Variants in RAB43 observed in about 807,000 individuals in gnomAD.
RAB43 encodes the protein RAB43, member RAS oncogene family.
A neutral mutation model predicts 18.8 loss-of-function variants in RAB43; 6 were observed. That is an observed-to-expected ratio of 0.32 (90% CI 0.17 to 0.63). The LOEUF (loss-of-function observed/expected upper bound fraction) is 0.63. Among genes scored for constraint, RAB43 ranks in the 30% least tolerant of loss-of-function variants. The pLI, the probability that RAB43 is intolerant of heterozygous loss-of-function variation, is 0.79. For missense variants in RAB43, 195 were observed against 289.1 expected, an observed-to-expected ratio of 0.67 and a Z score of 2.36; for synonymous variants, 103 against 124.1, an observed-to-expected ratio of 0.83 and a Z score of 1.13.
intron 1 of RAB43, among the ~76,000 whole-genome samples, chr3:129,100,886 A>C (rs1168330026): frequency 6.6e-6 from 1 of 152,060 alleles, no homozygotes; most frequent in Admixed American, 6.6e-5. Flanking sequence ...TGCTCACCGC[A>C]ACCTCTGTCT....
At chr3:129,109,941 T>G (rs1360688612) in intron 1 of RAB43, among the ~76,000 whole-genome samples, 1 of 151,882 alleles carries the variant, frequency 6.6e-6, no homozygotes, top group East Asian at 2.0e-4. Context: ...CCTGGCTCAC[T>G]GCAGCCTCGA....
In RAB43 at chr3:129,094,967, C is replaced by T. The variant is rs372339744; in HGVS notation, c.388+19G>A. ...GGCAGAGTGATGGGATTTGTGGTCC[C>T]GAGGAATCCCCAACTCACCGATCAG... is the stretch of plus-strand genomic sequence containing the variant. On this transcript the variant is annotated intron_variant, in intron 2 of 2. Transcript: ENST00000315150. 2.9e-5 allele frequency: 47 copies of T among 1,604,212 alleles called. No homozygotes were observed. Among genetic ancestry groups the T allele is most frequent in the Non-Finnish European group, 3.9e-5 (46 of 1,174,290 alleles).
At chr3:129,093,104 C>T (rs1353489404) in intron 2 of RAB43, among the ~76,000 whole-genome samples, 4 of 151,952 alleles carry the variant, frequency 2.6e-5, no homozygotes, top group Non-Finnish European at 5.9e-5. Context: ...GATTCTCCTA[C>T]CTTGGCCTCC....
chr3:129,100,010 A>G (rs1934320236), intron 1 of RAB43, among the ~76,000 whole-genome samples: 1 of 152,182 alleles, frequency 6.6e-6, no homozygotes, highest in Admixed American at 6.6e-5. Context: ...TACCTGGCTT[A>G]AAGATCCAAG....
intron 1 of RAB43, among the ~76,000 whole-genome samples, chr3:129,109,037 T>G: frequency 1.4e-5 from 2 of 146,436 alleles, no homozygotes; most frequent in South Asian, 2.2e-4. Flanking sequence ...AAGGAAACCA[T>G]GAGAAAAAAC....
At chr3:129,106,394 T>A (rs901727043) in intron 1 of RAB43, among the ~76,000 whole-genome samples, 1 of 152,054 alleles carries the variant, frequency 6.6e-6, no homozygotes, top group Non-Finnish European at 1.5e-5. Flanking sequence ...AACCAGGAGG[T>A]GGAGTTTGTG....
chr3:129,109,699 A>C (rs1323211537), intron 1 of RAB43, among the ~76,000 whole-genome samples: 3 of 150,270 alleles, frequency 2.0e-5, no homozygotes, highest in Non-Finnish European at 4.4e-5. Context: ...CCGAGATCGC[A>C]CCACTGCACT....
chr3:129,091,315 C>G lies in RAB43; in HGVS notation c.420G>C (p.Glu140Asp), dbSNP rs1933633853. ...GNKSDLSELREVSLAEAQSLA... is the reference protein window; with the variant it reads ...GNKSDLSELRDVSLAEAQSLA... ...GGCTCTGTGCCTCAGCCAAGGAGACCTCCCGAAGCTCGCTGAGGTCTGACT... is the reference window on the plus strand; with the variant it reads ...GGCTCTGTGCCTCAGCCAAGGAGACGTCCCGAAGCTCGCTGAGGTCTGACT... The change falls in exon 3 of 3, where the codon GAG (glutamate) becomes GAC (aspartate). Residue 140 changes from glutamate to aspartate, a missense_variant. Glu to Asp is a conservative substitution (Grantham distance 45). Transcript: ENST00000315150. The G allele has an allele frequency of 1.2e-6, 2 of 1,601,518 alleles. No homozygotes were observed. Among genetic ancestry groups the G allele is most frequent in the East Asian group, 4.5e-5 (2 of 44,362 alleles).
chr3:129,098,346 C>T (rs1274079706), intron 1 of RAB43, among the ~76,000 whole-genome samples: 4 of 152,152 alleles, frequency 2.6e-5, no homozygotes, highest in African/African-American at 9.7e-5. Context: ...CACATATCCA[C>T]CCTAACAAAA....
intron 2 of RAB43, among the ~76,000 whole-genome samples, chr3:129,094,576 G>A (rs1347278887): frequency 4.5e-5 from 6 of 132,236 alleles, no homozygotes; most frequent in African/African-American, 1.1e-4. Context: ...GTGCAGTGGC[G>A]TGATCTCAGC....
chr3:129,114,430 C>A (rs1210518252), intron 1 of RAB43, among the ~76,000 whole-genome samples: 1 of 152,142 alleles, frequency 6.6e-6, no homozygotes, highest in Non-Finnish European at 1.5e-5. Context: ...CACAAATGGG[C>A]CTTCATTTCC....
rs533029028 is a variant in RAB43, at chr3:129,109,177, A to G, written c.204+12109T>C. On this transcript the variant is annotated intron_variant, in intron 1 of 2. Coordinates refer to ENST00000315150, the MANE Select transcript of RAB43 (RefSeq NM_198490.3). The stretch of plus-strand genomic sequence containing the variant: ...TGTAATCCCAACACTTTGGGAGGCC[A>G]AGGCGGGCGGATCACGAGGTCAGGA... Among the ~76,000 whole-genome samples, 79 of 151,768 alleles carry G rather than the reference A, an allele frequency of 5.2e-4. 1 individual carries two copies. The South Asian group carries it at 0.015, about 29-fold the overall frequency.
Position 129,107,717 on chromosome 3 carries a change from T to C in RAB43, c.205-12548A>G, listed in dbSNP as rs1215559929. On this transcript the variant is annotated intron_variant, in intron 1 of 2. Coordinates refer to ENST00000315150, the MANE Select transcript of RAB43 (RefSeq NM_198490.3). The surrounding 1 kb of genome is among the most constrained non-coding windows in gnomAD (Gnocchi z 4.2). ...GAATTCCCGTAAACCCCACACCTCT[T>C]TTCCCCAAATTCCTCCGCTGCAAGG... Among the ~76,000 whole-genome samples the C allele has an allele frequency of 1.3e-5, 2 of 152,054 alleles. No individual in the cohort carries two copies. The highest frequency in any genetic ancestry group is 2.4e-5 in the African/African-American group (1 of 41,406).
chr3:129,113,228 C>T (rs181612393), intron 1 of RAB43, among the ~76,000 whole-genome samples: 42 of 150,960 alleles, frequency 2.8e-4, no homozygotes, highest in Admixed American at 9.9e-4. Context: ...TGCAGTGGCA[C>T]GATCTTGGCT....
chr3:129,099,782 GA>G (rs570185448), intron 1 of RAB43, among the ~76,000 whole-genome samples: 1,600 of 147,520 alleles, frequency 0.011, 14 homozygotes, highest in Middle Eastern at 0.065. Flanking sequence ...ATAGATGGCA[GA>G]AAAAAAAAAT....
At chr3:129,100,132 A>T (rs1163432451) in intron 1 of RAB43, among the ~76,000 whole-genome samples, 1 of 152,226 alleles carries the variant, frequency 6.6e-6, no homozygotes, top group East Asian at 1.9e-4. Context: ...CTGATAAAAG[A>T]CATATTCCAT....
At chr3:129,114,334 C>A (rs1346294365) in intron 1 of RAB43, among the ~76,000 whole-genome samples, 1 of 151,988 alleles carries the variant, frequency 6.6e-6, no homozygotes, top group Non-Finnish European at 1.5e-5. Flanking sequence ...TGTGTGTTTG[C>A]GGTAGTAGGA....
At position 129,107,482 on chromosome 3, in the gene RAB43, G is replaced by T. The variant is rs1934861428; in HGVS notation, c.205-12313C>A. ...CAGCCTGCTGCCACCCAAACACCTT[G>T]CTTGCTTGCAGGCTCCTTTCAGCAC... On this transcript the variant is annotated intron_variant, in intron 1 of 2. Transcript: ENST00000315150. This position sits in a 1 kb window ranked among gnomAD's most constrained non-coding sequence, Gnocchi z 4.2. Among the ~76,000 whole-genome samples the T allele has an allele frequency of 6.6e-6, 1 of 152,062 alleles. No homozygotes were observed. The highest frequency in any genetic ancestry group is 1.5e-5 in the Non-Finnish European group (1 of 68,008).
intron 1 of RAB43, among the ~76,000 whole-genome samples, chr3:129,103,926 T>G (rs1166290748): frequency 6.6e-6 from 1 of 152,144 alleles, no homozygotes; most frequent in Non-Finnish European, 1.5e-5. Flanking sequence ...TTTTCTTTAG[T>G]GCACGTCACT....
Sources: gnomAD v4.1 joint callset for allele counts (sites outside exome capture counted in the v4.1 genomes callset) on GRCh38, gnomAD v4.1.1 for gene constraint, Gnocchi (gnomAD v3.1) non-coding constraint, MANE v1.5 for transcripts, NCBI Gene and HGNC (gene_info 2026-07-23, HGNC 2026-07-21) for gene names.